HOOK3: variants seen among roughly 807,000 people sequenced by gnomAD.
HOOK3 encodes the protein hook microtubule tethering protein 3.
HOOK3 carries 24 observed loss-of-function variants against 116.3 expected under a neutral mutation model. That is an observed-to-expected ratio of 0.21 (90% confidence interval 0.15 to 0.29). The LOEUF is 0.29. HOOK3 is among the 10% of genes least tolerant of loss of function. The probability of loss-of-function intolerance (pLI) is 1.00; values close to 1 mark genes in which losing one functional copy is unlikely to be tolerated. For missense variants in HOOK3, 632 were observed against 830.2 expected (o/e 0.76, Z 2.93); for synonymous variants, 275 against 283.0 (o/e 0.97, Z 0.28).
rs781094543 is a variant in HOOK3, at chr8:42,982,620, T to C, written c.1322-7T>C. 3 of 1,593,030 alleles carry C rather than the reference T, an allele frequency of 1.9e-6. No individual in the cohort carries two copies. Among genetic ancestry groups the C allele is most frequent in the Non-Finnish European group, 2.6e-6 (3 of 1,160,862 alleles). The stretch of plus-strand genomic sequence containing the variant: ...TTAGCCTTATATTTATGTTTGTATA[T>C]TTACAGGGTTAATGCCTCTTGGAAG... On this transcript the variant is annotated splice_region_variant and splice_polypyrimidine_tract_variant and intron_variant, in intron 13 of 21. Coordinates refer to ENST00000307602, the MANE Select transcript of HOOK3 (RefSeq NM_032410.4).
At chr8:42,901,556 C>T (rs987527925) in intron 1 of HOOK3, among the ~76,000 whole-genome samples, 1 of 152,148 alleles carries the variant, frequency 6.6e-6, no homozygotes, top group South Asian at 2.1e-4. Context: ...TCTTTAGGAT[C>T]TGTTTCACTT....
At chr8:42,974,018 T>C (rs1368784923) in intron 12 of HOOK3, 89 bp from the exon 13 acceptor site, 11 of 868,076 alleles carry the variant, frequency 1.3e-5, no homozygotes, top group Non-Finnish European at 1.9e-5. Context: ...TTCACTATTG[T>C]TTATCATTCT....
chr8:43,002,128 C>A lies in HOOK3; in HGVS notation c.1642C>A (p.Leu548Ile). The change falls in exon 17 of 22, where the codon CTT becomes ATT. Residue 548 changes from leucine (L) to isoleucine (I), a missense_variant. Physicochemically the swap from Leu to Ile is conservative, Grantham distance 5. Around this residue, in one of 3 missense-constraint regions of HOOK3, gnomAD observed 483 missense variants for 648.1 expected, o/e 0.75. Coordinates refer to ENST00000307602, the MANE Select transcript of HOOK3 (RefSeq NM_032410.4). Reference sequence around the variant, plus strand: ...TTAGTCAGTCCTTCTAAAAAAGAAGCTTGAAGAACATCTGTAAGTATAAAA... The same window carrying A: ...TTAGTCAGTCCTTCTAAAAAAGAAGATTGAAGAACATCTGTAAGTATAAAA... The part of the protein sequence containing the change: ...AEDSVLLKKK[L>I]EEHLEKLHEA... The A allele has an allele frequency of 1.9e-6, 3 of 1,594,788 alleles. No homozygotes were observed. The highest frequency in any genetic ancestry group is 2.6e-6 in the Non-Finnish European group (3 of 1,162,920).
intron 5 of HOOK3, among the ~76,000 whole-genome samples, chr8:42,948,056 A>G (rs1388347548): frequency 1.3e-5 from 2 of 152,204 alleles, no homozygotes; most frequent in African/African-American, 4.8e-5. Context: ...GATTAGTAGT[A>G]GAAGACACAC....
intron 8 of HOOK3, among the ~76,000 whole-genome samples, chr8:42,962,705 T>G (rs971775308): frequency 3.3e-5 from 5 of 151,780 alleles, no homozygotes; most frequent in African/African-American, 1.2e-4. Context: ...ATGCCAGCCA[T>G]GTTTATGTTT....
At chr8:43,018,283 C>T in intron 21 of HOOK3, 75 bp from the exon 22 acceptor site, 1 of 1,357,742 alleles carries the variant, frequency 7.4e-7, no homozygotes, top group Non-Finnish European at 1.0e-6. Flanking sequence ...ACAAATTCTG[C>T]ATGATGAAAT....
chr8:42,960,754 A>G (rs905883525), intron 8 of HOOK3, among the ~76,000 whole-genome samples: 1 of 152,184 alleles, frequency 6.6e-6, no homozygotes, highest in Non-Finnish European at 1.5e-5. Flanking sequence ...CAGGCACTGA[A>G]GTAGGTCTAA....
At chr8:42,989,688 C>T (rs1007946507) in intron 15 of HOOK3, among the ~76,000 whole-genome samples, 2 of 151,900 alleles carry the variant, frequency 1.3e-5, no homozygotes, top group African/African-American at 4.8e-5. Flanking sequence ...CTAGGAAATA[C>T]TAGGTCTTAT....
intron 3 of HOOK3, among the ~76,000 whole-genome samples, chr8:42,929,619 CAA>C (rs1807836948): frequency 6.6e-6 from 1 of 152,036 alleles, no homozygotes; most frequent in African/African-American, 2.4e-5. Flanking sequence ...ACTAAAGAAA[CAA>C]TAGTTTTTTT....
chr8:42,986,543 T>C (rs1382505813), intron 14 of HOOK3, 112 bp from the exon 15 acceptor site: 1 of 690,564 alleles, frequency 1.4e-6, no homozygotes, highest in East Asian at 3.1e-5. Flanking sequence ...TTTTCATTTC[T>C]GTTCTGGTAT....
chr8:42,898,772 C>T (rs1368718469), intron 1 of HOOK3, among the ~76,000 whole-genome samples: 1 of 152,152 alleles, frequency 6.6e-6, no homozygotes, highest in Non-Finnish European at 1.5e-5. Context: ...GGTTACATCC[C>T]GGTAAACCCA....
Position 42,986,711 on chromosome 8 carries a change from G to A in HOOK3, c.1448G>A (p.Gly483Asp). The change falls in exon 15 of 22, where the codon GGT becomes GAT. Residue 483 changes from glycine (G) to aspartate (D), a missense_variant. Transcript: ENST00000307602. Reference sequence around the variant, plus strand: ...AAGATGTTAAAGCTTAACCAAGAAGGTTCGGACAATGAAAAAATAGCCTTA... The same window carrying A: ...AAGATGTTAAAGCTTAACCAAGAAGATTCGGACAATGAAAAAATAGCCTTA... The part of the protein sequence containing the change: ...ENKMLKLNQE[G>D]SDNEKIALLQ... 3 of 1,613,838 alleles carry A rather than the reference G, an allele frequency of 1.9e-6. No individual in the cohort carries two copies. The South Asian group carries it at 3.3e-5, about 18-fold the overall frequency.
chr8:42,993,053 A>T (rs1042147461), intron 15 of HOOK3, among the ~76,000 whole-genome samples: 2 of 152,216 alleles, frequency 1.3e-5, no homozygotes, highest in Middle Eastern at 3.2e-3. Context: ...CTTTTTCAAC[A>T]TCAATTGAAA....
At chr8:43,008,984 C>G (rs1440727407) in intron 18 of HOOK3, among the ~76,000 whole-genome samples, 1 of 152,016 alleles carries the variant, frequency 6.6e-6, no homozygotes, top group East Asian at 1.9e-4. Flanking sequence ...GAAATAGGCT[C>G]TATTGGCTGG....
At chr8:43,012,415 A>AT (rs1809631205) in intron 19 of HOOK3, among the ~76,000 whole-genome samples, 2 of 152,214 alleles carry the variant, frequency 1.3e-5, no homozygotes, top group African/African-American at 4.8e-5. Flanking sequence ...CCACCATCAT[A>AT]TATGTGGTTC....
chr8:42,897,029 G>A lies in HOOK3; in HGVS notation c.-103G>A. The stretch of plus-strand genomic sequence containing the variant: ...GTCGGCGGCCGGATCCGAGGAGCAG[G>A]CGGGCCTGAGGCCGAGTCAGCTGCG... On this transcript the variant is annotated 5_prime_UTR_variant, in exon 1 of 22. Transcript: ENST00000307602. 1.2e-6 allele frequency: 1 copy of A among 851,754 alleles called. No homozygotes were observed. The highest frequency in any genetic ancestry group is 1.6e-6 in the Non-Finnish European group (1 of 638,902). 52.8% of individuals were successfully genotyped at this position (851,754 alleles called of 1,614,324 possible).
At chr8:42,934,225 C>A (rs1256474215) in intron 4 of HOOK3, among the ~76,000 whole-genome samples, 2 of 152,006 alleles carry the variant, frequency 1.3e-5, no homozygotes, top group East Asian at 3.8e-4. Context: ...TGATTATACA[C>A]CTTCTTCTAG....
At chr8:42,982,790 TTCTC>T (rs1808976970) in intron 14 of HOOK3, 94 bp downstream of exon 14, 2 of 826,504 alleles carry the variant, frequency 2.4e-6, no homozygotes, top group African/African-American at 3.4e-5. Context: ...TCCTTATTCT[TTCTC>T]ACCGACACTT....
chr8:42,937,548 A>C (rs1274830705), intron 4 of HOOK3, among the ~76,000 whole-genome samples: 1 of 151,978 alleles, frequency 6.6e-6, no homozygotes, highest in Non-Finnish European at 1.5e-5. Flanking sequence ...TTTCCCTCTA[A>C]ACACTGCTTT....
Sources: gnomAD v4.1 joint callset for allele counts (sites outside exome capture counted in the v4.1 genomes callset) on GRCh38, gnomAD v4.1.1 for gene constraint, gnomAD v4.1.1 regional missense constraint, MANE v1.5 for transcripts, NCBI Gene and HGNC (gene_info 2026-07-23, HGNC 2026-07-21) for gene names.